Variants in NREP observed in about 807,000 individuals in gnomAD.
NREP encodes neuronal regeneration related protein, also known as neuronal regeneration-related protein.
A neutral mutation model predicts 8.6 loss-of-function variants in NREP; 5 were observed. That is an observed-to-expected ratio of 0.58 (90% CI 0.30 to 1.22). The LOEUF (loss-of-function observed/expected upper bound fraction) is 1.22. Among genes scored for constraint, NREP ranks in the 50% most tolerant of loss-of-function variants. The pLI is 0.07. For synonymous variants in NREP, 27 were observed against 28.0 expected, an observed-to-expected ratio of 0.96 and a Z score of 0.11; for missense variants, 86 against 82.5, an observed-to-expected ratio of 1.04 and a Z score of -0.17.
intron 2 of NREP, among the ~76,000 whole-genome samples, chr5:111,911,570 T>C (rs1581211368): frequency 6.6e-6 from 1 of 152,182 alleles, no homozygotes; most frequent in Middle Eastern, 3.4e-3. Flanking sequence ...TGTTATATGC[T>C]TGGACTTCTT....
chr5:111,932,744 G>C (rs1755576213), intron 2 of NREP, among the ~76,000 whole-genome samples: 2 of 151,996 alleles, frequency 1.3e-5, no homozygotes, highest in South Asian at 2.1e-4. Context: ...GCATGCCTCT[G>C]CCAACTAAAA....
At chr5:111,757,569 G>T, upstream of NREP, 2 of 984,570 alleles carry the variant, frequency 2.0e-6, no homozygotes, top group Non-Finnish European at 2.4e-6. Context: ...TACTCGGCAG[G>T]AATCGGCGGC....
chr5:111,755,986 T>C (rs895050209), intron 1 of NREP, 156 bp from the exon 2 acceptor site: 2 of 1,426,420 alleles, frequency 1.4e-6, no homozygotes, highest in African/African-American at 1.4e-5. Context: ...CTGAAAGAGC[T>C]TTCCAAGTGG....
chr5:111,757,234 G>C (rs1400396657), upstream of NREP: 1 of 562,342 alleles, frequency 1.8e-6, no homozygotes, highest in African/African-American at 2.2e-5. Context: ...CAGATTGGGG[G>C]GGGAGGGGGG....
intron 2 of NREP, among the ~76,000 whole-genome samples, chr5:111,828,697 A>C (rs778946409): frequency 3.3e-5 from 5 of 152,160 alleles, no homozygotes; most frequent in Non-Finnish European, 7.3e-5. Flanking sequence ...ATAATAATCT[A>C]GATACTTGGG....
chr5:111,908,070 C>G (rs947461202), intron 2 of NREP, among the ~76,000 whole-genome samples: 2 of 151,898 alleles, frequency 1.3e-5, no homozygotes, highest in Non-Finnish European at 2.9e-5. Context: ...GATTAAAAAG[C>G]TGGTAAAAAT....
At chr5:111,811,008 A>G (rs1174498564) in intron 2 of NREP, among the ~76,000 whole-genome samples, 1 of 152,210 alleles carries the variant, frequency 6.6e-6, no homozygotes, top group Non-Finnish European at 1.5e-5. Flanking sequence ...AAAAACAAGG[A>G]GCTTTACATG....
chr5:111,906,256 GT>G (rs1242046653), intron 2 of NREP, among the ~76,000 whole-genome samples: 2 of 151,848 alleles, frequency 1.3e-5, no homozygotes, highest in African/African-American at 4.8e-5. Flanking sequence ...TTTGCAATGT[GT>G]TTCTTATTGT....
intron 2 of NREP, among the ~76,000 whole-genome samples, chr5:111,971,767 C>G (rs138738389): frequency 1.3e-5 from 2 of 152,018 alleles, no homozygotes; most frequent in East Asian, 3.9e-4. Flanking sequence ...AACTGTAAAA[C>G]TACTGGAAGA....
chr5:111,780,641 T>G (rs1751471454), intron 2 of NREP, among the ~76,000 whole-genome samples: 1 of 152,162 alleles, frequency 6.6e-6, no homozygotes, highest in African/African-American at 2.4e-5. Context: ...AAATCTTGTT[T>G]TGAGTGGTAG....
chr5:111,752,821 T>C (rs1383278002), intron 2 of NREP, among the ~76,000 whole-genome samples: 2 of 152,152 alleles, frequency 1.3e-5, no homozygotes, highest in African/African-American at 4.8e-5. Context: ...GGCAATCATG[T>C]TGAAAACCAG....
chr5:111,931,924 G>A (rs1561353422), intron 2 of NREP, among the ~76,000 whole-genome samples: 1 of 151,970 alleles, frequency 6.6e-6, no homozygotes, highest in Non-Finnish European at 1.5e-5. Flanking sequence ...CAACCATCTG[G>A]TGAGAGGCTG....
At chr5:111,863,177 G>C (rs1157223844) in intron 2 of NREP, among the ~76,000 whole-genome samples, 1 of 152,014 alleles carries the variant, frequency 6.6e-6, no homozygotes, top group African/African-American at 2.4e-5. Flanking sequence ...AATGGTAGTA[G>C]AGAGAGAGAA....
chr5:111,959,698 A>G (rs1050390717), intron 2 of NREP, among the ~76,000 whole-genome samples: 1 of 152,070 alleles, frequency 6.6e-6, no homozygotes, highest in Admixed American at 6.5e-5. Flanking sequence ...ATTTGTATAT[A>G]AAGACATTGA....
chr5:111,923,547 C>T (rs543498165), intron 2 of NREP, among the ~76,000 whole-genome samples: 1 of 152,300 alleles, frequency 6.6e-6, no homozygotes, highest in African/African-American at 2.4e-5. Flanking sequence ...CCAAAGGCCT[C>T]CTCTAGAAGA....
chr5:111,743,154 G>T (rs1256048158), intron 2 of NREP, among the ~76,000 whole-genome samples: 1 of 74,244 alleles, frequency 1.3e-5, no homozygotes, highest in Non-Finnish European at 4.0e-5. Context: ...TCCAAACAAT[G>T]GGAAAAAAAT....
At chr5:111,777,813 T>A (rs1381243902) in intron 2 of NREP, among the ~76,000 whole-genome samples, 1 of 152,046 alleles carries the variant, frequency 6.6e-6, no homozygotes, top group African/African-American at 2.4e-5. Flanking sequence ...ATAACTAAAG[T>A]ATGGCCAGGT....
At chr5:111,976,834 T>G in exon 1 of NREP, 1 of 913,302 alleles carries the variant, frequency 1.1e-6, no homozygotes. Flanking sequence ...GACACAGCTC[T>G]GCAGCCCATT....
Position 111,730,717 on chromosome 5 carries a change from T to A in NREP, c.*204A>T. 1.8e-6 allele frequency: 1 copy of A among 568,826 alleles called. No individual in the cohort carries two copies. Among genetic ancestry groups the A allele is most frequent in the Non-Finnish European group, 3.0e-6 (1 of 333,398 alleles). The allele number at this position is 568,826 out of a possible 1,614,324, so 35.2% of individuals were successfully genotyped here. A position where few individuals can be genotyped will look rare whatever the true frequency, so the allele number is the denominator to read the frequency against. ...TAAACGTGGATTCACAGTGTGAAAT[T>A]CTGAGCGTTTTCACTTGAGTCAGAA... On this transcript the variant is annotated 3_prime_UTR_variant, in exon 4 of 4. Coordinates refer to ENST00000257435, the MANE Select transcript of NREP (RefSeq NM_004772.4).
Sources: gnomAD v4.1 joint callset for allele counts (sites outside exome capture counted in the v4.1 genomes callset) on GRCh38, gnomAD v4.1.1 for gene constraint, MANE v1.5 for transcripts, NCBI Gene and HGNC (gene_info 2026-07-23, HGNC 2026-07-21) for gene names.